ZNF609: variants seen among roughly 807,000 people sequenced by gnomAD.
ZNF609 encodes the protein zinc finger protein 609.
Under a neutral mutation model 109.5 loss-of-function variants are expected in ZNF609, and 11 were observed. The ratio of observed to expected loss-of-function variants is 0.10; its 90% CI spans 0.06 to 0.17. The LOEUF (loss-of-function observed/expected upper bound fraction) is 0.17, where lower values mean the gene tolerates loss of function less well. Ranked by LOEUF, ZNF609 falls within the 10% of genes least tolerant of loss-of-function variation. The probability of loss-of-function intolerance (pLI) is 1.00; values close to 1 mark genes in which losing one functional copy is unlikely to be tolerated. For synonymous variants in ZNF609, 646 were observed against 662.0 expected (o/e 0.98, Z 0.37); for missense variants, 1,559 against 1,772.4 (o/e 0.88, Z 2.16).
At chr15:64,526,891 C>T (rs1212675790) in intron 2 of ZNF609, among the ~76,000 whole-genome samples, 1 of 152,156 alleles carries the variant, frequency 6.6e-6, no homozygotes, top group Non-Finnish European at 1.5e-5. Flanking sequence ...CTCAAATGAT[C>T]ATCCCACCTC....
At chr15:64,669,013 CAT>C (rs1896689560) in intron 3 of ZNF609, among the ~76,000 whole-genome samples, 2 of 73,206 alleles carry the variant, frequency 2.7e-5, no homozygotes, top group Admixed American at 2.4e-4. Context: ...CTATATAAAA[CAT>C]AATTTTTCTT....
intron 3 of ZNF609, among the ~76,000 whole-genome samples, chr15:64,658,412 G>C (rs184312546): frequency 3.7e-4 from 57 of 152,142 alleles, no homozygotes; most frequent in Non-Finnish European, 5.4e-4. Context: ...GATCAGATTG[G>C]TCTCGAACTC....
At chr15:64,496,952 G>C (rs746638986) in intron 1 of ZNF609, among the ~76,000 whole-genome samples, 2 of 152,210 alleles carry the variant, frequency 1.3e-5, no homozygotes, top group East Asian at 1.9e-4. Flanking sequence ...AGTAGCGGGG[G>C]CTACAAGCAT....
chr15:64,631,526 T>C, intron 3 of ZNF609: 1 of 649,030 alleles, frequency 1.5e-6, no homozygotes, highest in East Asian at 3.0e-5. Context: ...AACAACTTCA[T>C]ATTTTCTTTT....
At chr15:64,623,174 G>A (rs929125950) in intron 3 of ZNF609, 122 bp downstream of exon 3, 16 of 988,396 alleles carry the variant, frequency 1.6e-5, no homozygotes, top group East Asian at 2.6e-5. Flanking sequence ...CACAGTCTGC[G>A]GGAGATACCC....
chr15:64,572,429 C>G (rs759342355), intron 2 of ZNF609, among the ~76,000 whole-genome samples: 1 of 151,782 alleles, frequency 6.6e-6, no homozygotes, highest in Admixed American at 6.6e-5. Context: ...GGAGATTGAT[C>G]CCTGTTTTAT....
At chr15:64,671,748 A>C (rs1896734333) in intron 4 of ZNF609, among the ~76,000 whole-genome samples, 3 of 152,224 alleles carry the variant, frequency 2.0e-5, no homozygotes, top group South Asian at 2.1e-4. Flanking sequence ...CCATGCAGTC[A>C]CAAGTTTCTT....
intron 2 of ZNF609, among the ~76,000 whole-genome samples, chr15:64,553,895 G>T (rs1469076463): frequency 6.6e-6 from 1 of 152,128 alleles, no homozygotes; most frequent in Non-Finnish European, 1.5e-5. Context: ...ACCACGCCTG[G>T]CCTATAAAAT....
chr15:64,590,675 C>CAT (rs35425025), intron 2 of ZNF609, among the ~76,000 whole-genome samples: 109,212 of 149,336 alleles, frequency 0.73, 43,464 homozygotes, highest in East Asian at 0.95. Context: ...CATATACATG[C>CAT]ATATATATAT....
chr15:64,534,755 C>T (rs1894114778), intron 2 of ZNF609, among the ~76,000 whole-genome samples: 1 of 151,444 alleles, frequency 6.6e-6, no homozygotes, highest in Non-Finnish European at 1.5e-5. Context: ...TATTTAGGCC[C>T]GGTGCAGTGG....
intron 3 of ZNF609, among the ~76,000 whole-genome samples, chr15:64,641,324 TCTC>T (rs748746936): frequency 6.9e-6 from 1 of 144,620 alleles, no homozygotes; most frequent in Non-Finnish European, 1.5e-5. Flanking sequence ...TTCAAGCAAT[TCTC>T]CTGCTTCAGT....
At chr15:64,628,914 C>A (rs534253477) in intron 3 of ZNF609, among the ~76,000 whole-genome samples, 3 of 152,154 alleles carry the variant, frequency 2.0e-5, no homozygotes, top group Admixed American at 2.0e-4. Context: ...CGTGAGCCAC[C>A]ATGCCTGGCC....
chr15:64,681,454 T>A, intron 9 of ZNF609, 67 bp downstream of exon 9: 1 of 1,357,312 alleles, frequency 7.4e-7, no homozygotes. Context: ...GATCACAGAA[T>A]CCCTAGGTGA....
At chr15:64,540,568 C>A (rs543485286) in intron 2 of ZNF609, among the ~76,000 whole-genome samples, 1 of 151,720 alleles carries the variant, frequency 6.6e-6, no homozygotes, top group Admixed American at 6.6e-5. Context: ...CTGTGCCCAG[C>A]TAATTTTTGT....
chr15:64,541,774 A>C (rs1595712569), intron 2 of ZNF609, among the ~76,000 whole-genome samples: 1 of 140,020 alleles, frequency 7.1e-6, no homozygotes, highest in Admixed American at 7.6e-5. Context: ...CGGGAGGCAG[A>C]GCTTGCAGTG....
intron 2 of ZNF609, among the ~76,000 whole-genome samples, chr15:64,518,593 A>G (rs1054043079): frequency 3.3e-5 from 5 of 152,218 alleles, no homozygotes; most frequent in African/African-American, 1.2e-4. Flanking sequence ...TCTTGATGTC[A>G]TCTGCAGAGT....
At chr15:64,495,257 ATAT>A (rs1018611816) in intron 1 of ZNF609, among the ~76,000 whole-genome samples, 2 of 152,208 alleles carry the variant, frequency 1.3e-5, no homozygotes, top group South Asian at 2.1e-4. Context: ...TTTCCCTCAC[ATAT>A]TATTCAGGGA....
intron 1 of ZNF609, among the ~76,000 whole-genome samples, chr15:64,469,058 A>C (rs1893055845): frequency 2.2e-5 from 1 of 45,602 alleles, no homozygotes; most frequent in African/African-American, 6.0e-5. Context: ...AAAAAAAAAC[A>C]ACACAATTCA....
chr15:64,670,573 A>G, intron 4 of ZNF609, 140 bp downstream of exon 4: 1 of 744,576 alleles, frequency 1.3e-6, no homozygotes, highest in South Asian at 1.7e-5. Flanking sequence ...CACTGTATTT[A>G]TCTGACATTC....
Sources: gnomAD v4.1 joint callset for allele counts (sites outside exome capture counted in the v4.1 genomes callset) on GRCh38, gnomAD v4.1.1 for gene constraint, MANE v1.5 for transcripts, NCBI Gene and HGNC (gene_info 2026-07-23, HGNC 2026-07-21) for gene names.